The following MICAL3 variants were observed in gnomAD, a reference collection of about 807,000 sequenced individuals.
MICAL3 encodes [F-actin]-monooxygenase MICAL3.
In MICAL3, 62 loss-of-function variants were observed where a neutral mutation model predicts 207.4. The observed-to-expected ratio is 0.30, with a 90% confidence interval of 0.24 to 0.37. The LOEUF (loss-of-function observed/expected upper bound fraction) is 0.37. Ranked by LOEUF, MICAL3 falls within the 10% of genes least tolerant of loss-of-function variation. The pLI is 1.00. For missense variants in MICAL3, 2,368 were observed against 2,635.6 expected (o/e 0.90, Z 2.22); for synonymous variants, 1,077 against 1,069.3 (o/e 1.01, Z -0.14).
intron 19 of MICAL3, among the ~76,000 whole-genome samples, chr22:17,854,548 G>A (rs964128404): frequency 5.3e-5 from 8 of 151,840 alleles, no homozygotes; most frequent in South Asian, 4.2e-4. Flanking sequence ...TGGGCTTGCC[G>A]TCCACAGACA....
intron 20 of MICAL3, among the ~76,000 whole-genome samples, chr22:17,836,424 C>A (rs1333974392): frequency 6.6e-6 from 1 of 152,202 alleles, no homozygotes. Context: ...GGGATTCCCA[C>A]CAGGGTCCAC....
At chr22:17,931,429 C>T (rs1933259813) in intron 1 of MICAL3, among the ~76,000 whole-genome samples, 1 of 152,230 alleles carries the variant, frequency 6.6e-6, no homozygotes. Flanking sequence ...CCACACACCA[C>T]TGCTTGGCAT....
At chr22:17,869,272 C>T (rs1345112840) in intron 17 of MICAL3, among the ~76,000 whole-genome samples, 1 of 152,124 alleles carries the variant, frequency 6.6e-6, no homozygotes, top group East Asian at 1.9e-4. Context: ...CCAAGTCACA[C>T]CTTTTAAAAT....
At chr22:17,931,706 C>A (rs1270644648) in intron 1 of MICAL3, among the ~76,000 whole-genome samples, 1 of 152,178 alleles carries the variant, frequency 6.6e-6, no homozygotes, top group African/African-American at 2.4e-5. Context: ...AGGGATGAGT[C>A]ACAGATCCAG....
chr22:17,970,228 C>T (rs996614841), intron 1 of MICAL3, among the ~76,000 whole-genome samples: 3 of 152,238 alleles, frequency 2.0e-5, no homozygotes, highest in South Asian at 2.1e-4. Flanking sequence ...CACTGTCCCC[C>T]GCCCATGTTG....
At position 17,810,752 on chromosome 22, in the gene MICAL3, G is replaced by A; in HGVS notation, c.5507C>T (p.Ala1836Val). ...CTCCTCCTGCTTGGCCTGTCTCCGA[G>A]CTGCCTTTTGCACACGCCGGGTCAG... ...AKLTRRVQKA[A>V]RRQAKQEELK... Residue 1836 changes from alanine (A) to valine (V), a missense_variant, in exon 28 of 32, where the codon GCT (alanine) becomes GTT (valine). Physicochemically the swap from Ala to Val is moderately conservative, Grantham distance 64. Transcript: ENST00000441493. 6.2e-7 allele frequency: 1 copy of A among 1,613,988 alleles called. No individual in the cohort carries two copies. The highest frequency in any genetic ancestry group is 8.5e-7 in the Non-Finnish European group (1 of 1,179,872).
At chr22:17,913,089 T>C (rs977698628) in intron 1 of MICAL3, among the ~76,000 whole-genome samples, 9 of 151,626 alleles carry the variant, frequency 5.9e-5, no homozygotes, top group Non-Finnish European at 1.2e-4. Context: ...CTCTCCATCC[T>C]ATTTATCATC....
chr22:17,890,575 G>C (rs1332183488), intron 12 of MICAL3, among the ~76,000 whole-genome samples: 1 of 152,184 alleles, frequency 6.6e-6, no homozygotes, highest in African/African-American at 2.4e-5. Context: ...CTCCATCCAA[G>C]CACACCAGAA....
intron 1 of MICAL3, among the ~76,000 whole-genome samples, chr22:17,976,533 A>ATGTGTGTGTGTGTG (rs1278243661): frequency 6.1e-5 from 7 of 115,514 alleles, no homozygotes; most frequent in African/African-American, 2.5e-4. Context: ...ATGTGTATAT[A>ATGTGTGTGTGTGTG]TATGTGTGTG....
chr22:17,876,239 A>C (rs1435495002), intron 16 of MICAL3, among the ~76,000 whole-genome samples: 1 of 152,234 alleles, frequency 6.6e-6, no homozygotes, highest in Non-Finnish European at 1.5e-5. Context: ...CTAGGAACCC[A>C]GTCCCCAGAG....
chr22:17,954,072 G>A lies in MICAL3; in HGVS notation c.-74-47186C>T, dbSNP rs567068105. On this transcript the variant is annotated intron_variant, in intron 1 of 31. Coordinates refer to ENST00000441493, the MANE Select transcript of MICAL3 (RefSeq NM_015241.3). ...ATGAAATATATGAGGTGAGAGAGAT[G>A]TAATACGGGAAACTATGAAAGAAGG... is the stretch of plus-strand genomic sequence containing the variant. 7.4e-4 allele frequency among the ~76,000 whole-genome samples: 113 copies of A among 151,766 alleles called. 1 individual carries two copies. Among genetic ancestry groups the A allele is most frequent in the Non-Finnish European group, 1.4e-3 (95 of 67,938 alleles).
intron 1 of MICAL3, among the ~76,000 whole-genome samples, chr22:17,951,014 T>G (rs909055943): frequency 6.6e-6 from 1 of 152,208 alleles, no homozygotes; most frequent in Non-Finnish European, 1.5e-5. Flanking sequence ...GCCAGTCTCC[T>G]ACCACGGGTC....
At chr22:17,913,561 C>G (rs921316076) in intron 1 of MICAL3, among the ~76,000 whole-genome samples, 7 of 152,020 alleles carry the variant, frequency 4.6e-5, no homozygotes, top group Admixed American at 6.6e-5. Flanking sequence ...TTTCTCATGA[C>G]CAGCACTCTG....
chr22:17,865,356 A>G (rs1367259107), intron 18 of MICAL3, among the ~76,000 whole-genome samples: 2 of 152,188 alleles, frequency 1.3e-5, no homozygotes, highest in Non-Finnish European at 2.9e-5. Flanking sequence ...GGTGGCAACC[A>G]TGCTGAAGAG....
At chr22:18,002,231 T>C (rs1923082036) in intron 1 of MICAL3, among the ~76,000 whole-genome samples, 1 of 151,626 alleles carries the variant, frequency 6.6e-6, no homozygotes, top group Non-Finnish European at 1.5e-5. Flanking sequence ...GGAGACTTGT[T>C]TGTTGCTCTT....
At position 17,888,883 on chromosome 22, in the gene MICAL3, G is replaced by A. The variant is rs1264690317; in HGVS notation, c.1891+151C>T. On this transcript the variant is annotated intron_variant, in intron 13 of 31. Transcript: ENST00000441493. The stretch of plus-strand genomic sequence containing the variant: ...GAGAAGGGAGAAACAATGAAGCAAA[G>A]CTCCAGAGATTTCCCTGACAGCTAA... The A allele has an allele frequency of 7.6e-5, 43 of 564,150 alleles. No individual in the cohort carries two copies. The East Asian group carries it at 1.3e-3, about 17-fold the overall frequency. The allele number at this position is 564,150 out of a possible 1,614,324, so 34.9% of individuals were successfully genotyped here. A position where few individuals can be genotyped will look rare whatever the true frequency, so the allele number is the denominator to read the frequency against.
chr22:17,828,513 A>AAGCAG (rs1379918511), intron 21 of MICAL3, among the ~76,000 whole-genome samples: 3 of 152,000 alleles, frequency 2.0e-5, no homozygotes, highest in African/African-American at 7.3e-5. Context: ...GCTGGGAGGG[A>AAGCAG]AGCAGAGCTC....
At chr22:17,892,395 T>C (rs1930466980) in intron 11 of MICAL3, among the ~76,000 whole-genome samples, 1 of 152,242 alleles carries the variant, frequency 6.6e-6, no homozygotes, top group Admixed American at 6.5e-5. Context: ...CTATGAACTA[T>C]TTATATCCAA....
intron 20 of MICAL3, among the ~76,000 whole-genome samples, chr22:17,832,357 C>T (rs1922892796): frequency 6.6e-6 from 1 of 152,206 alleles, no homozygotes; most frequent in Non-Finnish European, 1.5e-5. Context: ...CGCACTTCTC[C>T]TCAGGTGGAT....
Sources: allele counts gnomAD v4.1 joint callset (sites outside exome capture counted in the v4.1 genomes callset), GRCh38; gene constraint gnomAD v4.1.1; transcripts MANE v1.5; gene names NCBI Gene and HGNC (gene_info 2026-07-23, HGNC 2026-07-21).